The following CHIC2 variants were observed in gnomAD, a reference collection of about 807,000 sequenced individuals.
CHIC2 encodes the protein cysteine-rich hydrophobic domain-containing protein 2.
CHIC2 carries 14 observed loss-of-function variants against 25.9 expected under a neutral mutation model. The observed-to-expected ratio is 0.54, with a 90% CI of 0.36 to 0.85. CHIC2 has a LOEUF of 0.85. CHIC2 is among the 40% of genes least tolerant of loss of function. The pLI is 0.01. For synonymous variants in CHIC2, 70 were observed against 72.0 expected (o/e 0.97, Z 0.14); for missense variants, 146 against 202.0 (o/e 0.72, Z 1.68).
chr4:54,068,080 C>G (rs1717554493), upstream of CHIC2, among the ~76,000 whole-genome samples: 1 of 152,126 alleles, frequency 6.6e-6, no homozygotes, highest in South Asian at 2.1e-4. Flanking sequence ...AGTTTTCGAT[C>G]TCTCTGTGCC....
the CHIC2 span, among the ~76,000 whole-genome samples, chr4:54,074,073 G>C: frequency 2.0e-5 from 3 of 151,926 alleles, no homozygotes; most frequent in African/African-American, 4.8e-5. Flanking sequence ...CAGGAGAATC[G>C]CTTGAACCCG....
chr4:54,019,474 T>C (rs1420776371), intron 3 of CHIC2, among the ~76,000 whole-genome samples: 1 of 152,180 alleles, frequency 6.6e-6, no homozygotes, highest in Admixed American at 6.5e-5. Context: ...CCTCTAGTAC[T>C]GAGCAGTGTC....
intron 1 of CHIC2, among the ~76,000 whole-genome samples, chr4:54,062,783 G>A (rs1227252483): frequency 6.6e-6 from 1 of 152,158 alleles, no homozygotes; most frequent in Admixed American, 6.5e-5. Flanking sequence ...GCTTAAAACA[G>A]TGCAAAAAGG....
chr4:54,074,705 C>T, the CHIC2 span, among the ~76,000 whole-genome samples: 1 of 151,614 alleles, frequency 6.6e-6, no homozygotes, highest in Non-Finnish European at 1.5e-5. Context: ...CTGAATATGT[C>T]TACTTTTTGA....
chr4:54,051,938 C>G (rs1302349716), intron 1 of CHIC2, among the ~76,000 whole-genome samples: 2 of 152,186 alleles, frequency 1.3e-5, no homozygotes, highest in African/African-American at 4.8e-5. Flanking sequence ...ACAATCCAGG[C>G]TTTCCTACAC....
upstream of CHIC2, among the ~76,000 whole-genome samples, chr4:54,068,268 G>A (rs1717556888): frequency 6.6e-6 from 1 of 152,098 alleles, no homozygotes. Context: ...CAAGGTGATG[G>A]TATTAGGAAA....
intron 3 of CHIC2, among the ~76,000 whole-genome samples, chr4:54,034,522 G>GT (rs552780988): frequency 1.2e-4 from 18 of 151,714 alleles, no homozygotes; most frequent in African/African-American, 3.9e-4. Flanking sequence ...TCTTATATAT[G>GT]TTTTTTTCAG....
At chr4:54,012,049 T>G (rs1715611058) in intron 5 of CHIC2, among the ~76,000 whole-genome samples, 1 of 151,944 alleles carries the variant, frequency 6.6e-6, no homozygotes, top group African/African-American at 2.4e-5. Flanking sequence ...ATTCTCACTT[T>G]CAACTATCAC....
At chr4:54,057,590 T>A (rs1717214676) in intron 1 of CHIC2, among the ~76,000 whole-genome samples, 1 of 152,180 alleles carries the variant, frequency 6.6e-6, no homozygotes, top group Non-Finnish European at 1.5e-5. Context: ...CTTTATCAGA[T>A]AAAATTTGTC....
chr4:54,025,945 G>C (rs1230278685), intron 3 of CHIC2, among the ~76,000 whole-genome samples: 1 of 151,988 alleles, frequency 6.6e-6, no homozygotes, highest in African/African-American at 2.4e-5. Context: ...CACAACTGGA[G>C]AAACAAGAAG....
chr4:54,048,915 C>G lies in CHIC2; in HGVS notation c.330+40G>C, dbSNP rs552210368. The G allele has an allele frequency of 4.8e-6, 7 of 1,450,026 alleles. No individual in the cohort carries two copies. In the African/African-American group the frequency reaches 1.0e-4, roughly 21 times the overall value. The allele number at this position is 1,450,026 out of a possible 1,614,324, so 89.8% of individuals were successfully genotyped here. ...CTAGATAAATGCAAGACTTGCTTGTCCACTTCTAAATTTAAATTAAAATAT... is the reference window on the plus strand; with the variant it reads ...CTAGATAAATGCAAGACTTGCTTGTGCACTTCTAAATTTAAATTAAAATAT... On this transcript the variant is annotated intron_variant, in intron 3 of 5. Transcript: ENST00000263921.
At chr4:54,088,555 G>A in the CHIC2 span, among the ~76,000 whole-genome samples, 62 of 152,316 alleles carry the variant, frequency 4.1e-4, no homozygotes, top group African/African-American at 1.5e-3. Flanking sequence ...GGGAAGGCTA[G>A]AGAGGGCCAG....
At chr4:54,086,086 A>G in the CHIC2 span, among the ~76,000 whole-genome samples, 1 of 152,098 alleles carries the variant, frequency 6.6e-6, no homozygotes, top group East Asian at 1.9e-4. Flanking sequence ...GAACACTGAC[A>G]TTCTTCTTTC....
At chr4:54,013,981 T>C (rs1715667290) in intron 4 of CHIC2, 82 bp downstream of exon 4, 4 of 1,596,122 alleles carry the variant, frequency 2.5e-6, no homozygotes, top group Admixed American at 3.4e-5. Flanking sequence ...ACCTTTCATA[T>C]TTTTAGTTCA....
chr4:54,084,959 C>CAAAAAAAAA, the CHIC2 span, among the ~76,000 whole-genome samples: 61 of 58,916 alleles, frequency 1.0e-3, 4 homozygotes, highest in African/African-American at 3.9e-3. Context: ...TGCTCTGTCT[C>CAAAAAAAAA]AAAAAAAAAA....
intron 1 of CHIC2, among the ~76,000 whole-genome samples, chr4:54,063,574 AGTTGTTGTT>A (rs577772455): frequency 1.3e-5 from 2 of 152,304 alleles, no homozygotes; most frequent in African/African-American, 4.8e-5. Context: ...TCCCTCACGT[AGTTGTTGTT>A]GTTGTTGTTG....
Position 54,064,217 on chromosome 4 carries a change from G to C in CHIC2, c.84C>G (p.Asp28Glu), listed in dbSNP as rs753243838. 2 of 1,607,254 alleles carry C rather than the reference G, an allele frequency of 1.2e-6. No individual in the cohort carries two copies. The highest frequency in any genetic ancestry group is 1.1e-5 in the South Asian group (1 of 89,810). ...GACCGGAGCCGCGGACGACCACCGG[G>C]TCCGGCGAGTACTTGAGCAGCTGCT... ...LEEQLLKYSP[D>E]PVVVRGSGHV... Residue 28 changes from aspartate (D) to glutamate (E), a missense_variant, in exon 1 of 6, where the codon GAC becomes GAG. Coordinates refer to ENST00000263921, the MANE Select transcript of CHIC2 (RefSeq NM_012110.4). The surrounding 1 kb of genome is among the most constrained non-coding windows in gnomAD (Gnocchi z 4.2).
intron 3 of CHIC2, among the ~76,000 whole-genome samples, chr4:54,021,653 T>C (rs1014525333): frequency 3.9e-5 from 6 of 152,168 alleles, no homozygotes; most frequent in Admixed American, 2.0e-4. Context: ...TTCCTTTTTC[T>C]TTATCCGACC....
intron 3 of CHIC2, among the ~76,000 whole-genome samples, chr4:54,034,001 A>G (rs2110073448): frequency 6.6e-6 from 1 of 152,182 alleles, no homozygotes; most frequent in South Asian, 2.1e-4. Flanking sequence ...TCTGTATTCC[A>G]TATGAATTTT....
Sources: allele counts gnomAD v4.1 joint callset (sites outside exome capture counted in the v4.1 genomes callset), GRCh38; gene constraint gnomAD v4.1.1; non-coding constraint Gnocchi (gnomAD v3.1); transcripts MANE v1.5; gene names NCBI Gene and HGNC (gene_info 2026-07-23, HGNC 2026-07-21).